The following DISP1 variants were observed in gnomAD, a reference collection of about 807,000 sequenced individuals.
The protein encoded by DISP1 is dispatched RND transporter family member 1, also known as protein dispatched homolog 1.
Under a neutral mutation model 37.3 loss-of-function variants are expected in DISP1, and 30 were observed. The observed-to-expected ratio is 0.80, with a 90% CI of 0.60 to 1.09. The LOEUF is 1.09. DISP1 is among the 50% of genes least tolerant of loss of function. The probability of loss-of-function intolerance (pLI) is 0.00; values close to 1 mark genes in which losing one functional copy is unlikely to be tolerated. For missense variants in DISP1, 1,598 were observed against 1,879.5 expected, an observed-to-expected ratio of 0.85 and a Z score of 2.77; for synonymous variants, 634 against 690.2, an observed-to-expected ratio of 0.92 and a Z score of 1.28.
chr1:222,850,903 GTTCTTTTATCTGACAGGCCCA>G (rs1297484581), intron 1 of DISP1, among the ~76,000 whole-genome samples: 2 of 151,936 alleles, frequency 1.3e-5, no homozygotes, highest in African/African-American at 4.8e-5. Context: ...GCCAACTCCT[GTTCTTTTATCTGACAGGCCCA>G]TTGGTTACTC....
At chr1:222,984,513 G>A (rs972806037) in intron 4 of DISP1, among the ~76,000 whole-genome samples, 1 of 145,168 alleles carries the variant, frequency 6.9e-6, no homozygotes, top group African/African-American at 2.5e-5. Flanking sequence ...TATAACATAG[G>A]TTTATATGTT....
At chr1:222,912,421 C>A (rs1672260218) in intron 1 of DISP1, among the ~76,000 whole-genome samples, 4 of 152,188 alleles carry the variant, frequency 2.6e-5, no homozygotes, top group Admixed American at 2.6e-4. Flanking sequence ...CCCTCAGTTT[C>A]CTACTTTTCC....
intron 1 of DISP1, among the ~76,000 whole-genome samples, chr1:222,884,265 ATATCT>A (rs555105883): frequency 3.3e-5 from 5 of 152,088 alleles, no homozygotes; most frequent in Admixed American, 2.0e-4. Context: ...CTTCATGTTA[ATATCT>A]TATATAACCA....
intron 1 of DISP1, among the ~76,000 whole-genome samples, chr1:222,896,144 C>A (rs181601792): frequency 5.7e-4 from 87 of 151,806 alleles, no homozygotes; most frequent in African/African-American, 2.0e-3. Flanking sequence ...GACACCGTCT[C>A]TACAAATGAA....
intron 4 of DISP1, among the ~76,000 whole-genome samples, chr1:222,988,300 G>C (rs1678421084): frequency 6.6e-6 from 1 of 152,188 alleles, no homozygotes; most frequent in Admixed American, 6.5e-5. Context: ...TTTGTGGCAA[G>C]TGTAGTTATT....
intron 3 of DISP1, among the ~76,000 whole-genome samples, chr1:222,973,285 A>G (rs1677085289): frequency 6.6e-6 from 1 of 152,198 alleles, no homozygotes; most frequent in Non-Finnish European, 1.5e-5. Flanking sequence ...AAAATGCAAA[A>G]TGAAACTCAC....
chr1:222,963,898 G>A (rs912585718), intron 3 of DISP1, among the ~76,000 whole-genome samples: 2 of 151,888 alleles, frequency 1.3e-5, no homozygotes, highest in Admixed American at 1.3e-4. Context: ...AAATTTTAAA[G>A]AAGAGAAAAA....
intron 4 of DISP1, among the ~76,000 whole-genome samples, chr1:222,986,038 A>G (rs2789954): frequency 0.32 from 49,043 of 152,040 alleles, 8,091 homozygotes; most frequent in South Asian, 0.44. Flanking sequence ...CAACGGGGAA[A>G]GGATTTTTAG....
intron 1 of DISP1, among the ~76,000 whole-genome samples, chr1:222,825,557 G>A (rs913908193): frequency 6.9e-6 from 1 of 145,518 alleles, no homozygotes; most frequent in Non-Finnish European, 1.5e-5. Flanking sequence ...CTAGAGTGCA[G>A]TGGCACGATC....
chr1:222,913,956 A>G (rs1490551570), intron 1 of DISP1, among the ~76,000 whole-genome samples: 9 of 149,750 alleles, frequency 6.0e-5, no homozygotes, highest in Middle Eastern at 3.5e-3. Flanking sequence ...AAAAATGGGT[A>G]GGATCTGCTT....
At chr1:223,000,993 T>C (rs991521588) in intron 8 of DISP1, among the ~76,000 whole-genome samples, 1 of 152,214 alleles carries the variant, frequency 6.6e-6, no homozygotes, top group African/African-American at 2.4e-5. Flanking sequence ...CATCTTTAGT[T>C]CTGGTTCTCC....
rs1439137710 is a variant in DISP1 at position 222,944,681 on chromosome 1, A to G, written c.509+1349A>G. ...CCAGAAGCAATCACTGCTGAGTTCT[A>G]TTACTATAGATTTGTTTTGCCTACT... On this transcript the variant is annotated intron_variant, in intron 3 of 8. Transcript: ENST00000675850. 2.0e-5 allele frequency among the ~76,000 whole-genome samples: 3 copies of G among 152,178 alleles called. No homozygotes were observed. In the East Asian group the frequency reaches 5.8e-4, roughly 29 times the overall value.
At chr1:222,939,855 G>A (rs1674253002) in intron 2 of DISP1, among the ~76,000 whole-genome samples, 1 of 151,730 alleles carries the variant, frequency 6.6e-6, no homozygotes, top group Non-Finnish European at 1.5e-5. Flanking sequence ...GCCGGGCGCA[G>A]TGGCTCACGC....
intron 1 of DISP1, among the ~76,000 whole-genome samples, chr1:222,873,355 T>C (rs1669705083): frequency 6.6e-6 from 1 of 152,202 alleles, no homozygotes; most frequent in African/African-American, 2.4e-5. Flanking sequence ...TGTTGATCTA[T>C]CTAATGTTGA....
intron 1 of DISP1, among the ~76,000 whole-genome samples, chr1:222,849,596 C>T (rs1275098063): frequency 1.3e-5 from 2 of 152,064 alleles, no homozygotes; most frequent in African/African-American, 4.8e-5. Flanking sequence ...CAAACATGTA[C>T]CTTAGCAGGA....
intron 3 of DISP1, among the ~76,000 whole-genome samples, chr1:222,943,836 C>A (rs1182947655): frequency 2.6e-5 from 4 of 152,112 alleles, no homozygotes; most frequent in Non-Finnish European, 5.9e-5. Context: ...TGAGACCAGC[C>A]TGACGAACAT....
intron 3 of DISP1, among the ~76,000 whole-genome samples, chr1:222,965,093 T>G (rs1437273993): frequency 6.6e-6 from 1 of 152,092 alleles, no homozygotes; most frequent in Non-Finnish European, 1.5e-5. Flanking sequence ...CAGTAGCACC[T>G]TCTACTTTAT....
At chr1:222,852,706 C>T (rs890528468) in intron 1 of DISP1, among the ~76,000 whole-genome samples, 9 of 152,302 alleles carry the variant, frequency 5.9e-5, no homozygotes, top group Admixed American at 4.6e-4. Flanking sequence ...ATTCTGACCT[C>T]AAAAATAAAA....
intron 1 of DISP1, among the ~76,000 whole-genome samples, chr1:222,897,195 T>C (rs1671311750): frequency 6.6e-6 from 1 of 152,350 alleles, no homozygotes. Context: ...ATCTTATAGA[T>C]ATCTGTTGAA....
Sources: gnomAD v4.1 joint callset for allele counts (sites outside exome capture counted in the v4.1 genomes callset) on GRCh38, gnomAD v4.1.1 for gene constraint, MANE v1.5 for transcripts, NCBI Gene and HGNC (gene_info 2026-07-23, HGNC 2026-07-21) for gene names.